PAICS: variants seen among roughly 807,000 people sequenced by gnomAD.
PAICS encodes bifunctional phosphoribosylaminoimidazole carboxylase/phosphoribosylaminoimidazole succinocarboxamide synthetase.
In PAICS, 33 loss-of-function variants were observed where a neutral mutation model predicts 53.7. The observed-to-expected ratio is 0.61, with a 90% CI of 0.47 to 0.82. PAICS has a LOEUF of 0.82. PAICS is among the 40% of genes least tolerant of loss of function. The pLI, the probability that PAICS is intolerant of heterozygous loss-of-function variation, is 0.00. For missense variants in PAICS, 394 were observed against 494.1 expected (o/e 0.80, Z 1.92); for synonymous variants, 141 against 167.2 (o/e 0.84, Z 1.21).
intron 5 of PAICS, among the ~76,000 whole-genome samples, chr4:56,449,094 G>A (rs569502669): frequency 6.6e-6 from 1 of 152,140 alleles, no homozygotes; most frequent in South Asian, 2.1e-4. Flanking sequence ...TTGGCTAAAT[G>A]AAAACTAAGG....
intron 7 of PAICS, 87 bp downstream of exon 7, chr4:56,452,139 G>T (rs1239877246): frequency 1.2e-6 from 1 of 865,636 alleles, no homozygotes; most frequent in African/African-American, 1.7e-5. Context: ...GCTGAAAAAA[G>T]AGCTTTGTCA....
chr4:56,435,708 C>T, upstream of PAICS: 2 of 1,466,530 alleles, frequency 1.4e-6, no homozygotes, highest in Non-Finnish European at 1.8e-6. Context: ...GAGGGGCGGT[C>T]CCGCGGCTGA....
Position 56,460,390 on chromosome 4 carries a change from C to G in PAICS, c.*852C>G, listed in dbSNP as rs1243624700. ...CACCAAGTCATGTTGGTGTTAATTTCTGATTAACCCTTGAATTTACCGTCT... is the reference window on the plus strand; with the variant it reads ...CACCAAGTCATGTTGGTGTTAATTTGTGATTAACCCTTGAATTTACCGTCT... On this transcript the variant is annotated 3_prime_UTR_variant, in exon 9 of 9. Transcript: ENST00000512576. The G allele has an allele frequency of 6.6e-6, 1 of 152,182 alleles. No homozygotes were observed. The highest frequency in any genetic ancestry group is 1.5e-5 in the Non-Finnish European group (1 of 68,042). The allele number at this position is 152,182 out of a possible 1,614,324, so 9.4% of individuals were successfully genotyped here. A position where few individuals can be genotyped will look rare whatever the true frequency, so the allele number is the denominator to read the frequency against.
At chr4:56,411,667 A>C in the PAICS span, among the ~76,000 whole-genome samples, 1 of 152,338 alleles carries the variant, frequency 6.6e-6, no homozygotes, top group South Asian at 2.1e-4. Context: ...AATTATTCAA[A>C]AATCTGTAAT....
At chr4:56,431,024 G>A (rs1717555591), upstream of PAICS, among the ~76,000 whole-genome samples, 1 of 151,886 alleles carries the variant, frequency 6.6e-6, no homozygotes, top group African/African-American at 2.4e-5. Flanking sequence ...TGGAAGGATT[G>A]AAAACACTTA....
the PAICS span, among the ~76,000 whole-genome samples, chr4:56,412,478 T>A: frequency 6.6e-6 from 1 of 152,088 alleles, no homozygotes; most frequent in Non-Finnish European, 1.5e-5. Context: ...CCTGGCTAAT[T>A]TTTTGTGGGA....
intron 8 of PAICS, among the ~76,000 whole-genome samples, chr4:56,458,725 C>A (rs1338100761): frequency 6.6e-6 from 1 of 151,820 alleles, no homozygotes; most frequent in Non-Finnish European, 1.5e-5. Flanking sequence ...ATAGCAAACA[C>A]TAGACATAAT....
intron 2 of PAICS, 41 bp downstream of exon 2, chr4:56,441,901 G>A (rs767978002): frequency 1.5e-6 from 2 of 1,347,722 alleles, no homozygotes; most frequent in African/African-American, 1.5e-5. Flanking sequence ...ACCTTCTCTG[G>A]TAAGCATGTC....
the PAICS span, chr4:56,416,541 C>G: frequency 1.3e-5 from 2 of 155,878 alleles, no homozygotes. Flanking sequence ...AAGAAACACT[C>G]AGAATTGATT....
At chr4:56,436,478 C>A in intron 1 of PAICS, 150 bp downstream of exon 1, 1 of 733,410 alleles carries the variant, frequency 1.4e-6, no homozygotes, top group South Asian at 1.5e-5. Flanking sequence ...CAGGCGCTCC[C>A]GGGCCTCCCC....
upstream of PAICS, among the ~76,000 whole-genome samples, chr4:56,433,012 T>A (rs993019824): frequency 6.0e-5 from 9 of 150,786 alleles, no homozygotes; most frequent in African/African-American, 1.9e-4. Flanking sequence ...TATATATATA[T>A]AAAACTAAAC....
In PAICS at chr4:56,446,666, C is replaced by G. The variant is rs962897538; in HGVS notation, c.215-29C>G. 6.3e-6 allele frequency: 9 copies of G among 1,439,354 alleles called. No individual in the cohort carries two copies. The African/African-American group carries it at 8.5e-5, about 14-fold the overall frequency. The allele number at this position is 1,439,354 out of a possible 1,614,324, so 89.2% of individuals were successfully genotyped here. A position where few individuals can be genotyped will look rare whatever the true frequency, so the allele number is the denominator to read the frequency against. ...ACCTTTTTACATATCATTTCAATAC[C>G]TTTTTTAACTTTGGTTATCAATATG... On this transcript the variant is annotated intron_variant, in intron 2 of 8. Transcript: ENST00000512576.
chr4:56,429,512 T>C, the PAICS span, among the ~76,000 whole-genome samples: 68 of 152,140 alleles, frequency 4.5e-4, no homozygotes, highest in Non-Finnish European at 8.1e-4. Flanking sequence ...CAATATAGCA[T>C]GTAGAAGAAA....
upstream of PAICS, among the ~76,000 whole-genome samples, chr4:56,432,997 T>TTATATATA (rs370961590): frequency 1.2e-3 from 184 of 148,504 alleles, no homozygotes; most frequent in African/African-American, 4.2e-3. Context: ...CACACGTATT[T>TTATATATA]TATATATATA....
chr4:56,450,783 A>AG, intron 6 of PAICS, 81 bp downstream of exon 6: 1 of 736,884 alleles, frequency 1.4e-6, no homozygotes, highest in East Asian at 2.7e-5. Flanking sequence ...AAAAAATGGG[A>AG]GAGTATAGTG....
chr4:56,448,921 G>T (rs985512623), intron 5 of PAICS, 98 bp downstream of exon 5: 3 of 668,406 alleles, frequency 4.5e-6, no homozygotes, highest in African/African-American at 1.8e-5. Context: ...TGTTCCTAAT[G>T]ATATGAACCT....
chr4:56,438,371 TTATATATATA>T (rs61681463), intron 1 of PAICS, among the ~76,000 whole-genome samples: 2,843 of 113,648 alleles, frequency 0.025, 76 homozygotes, highest in African/African-American at 0.058. Context: ...TGCAATGTGT[TTATATATATA>T]TATATATATA....
chr4:56,445,792 A>G (rs889561128), intron 2 of PAICS, among the ~76,000 whole-genome samples: 5 of 152,220 alleles, frequency 3.3e-5, no homozygotes, highest in African/African-American at 1.2e-4. Context: ...ATAGTAATGC[A>G]GGCTGAAAAT....
At chr4:56,455,606 C>T (rs1015055960) in intron 8 of PAICS, among the ~76,000 whole-genome samples, 9 of 152,142 alleles carry the variant, frequency 5.9e-5, no homozygotes, top group African/African-American at 1.9e-4. Context: ...ATTTTGATAC[C>T]TTGTGTATCT....
Sources: gnomAD v4.1 joint callset for allele counts (sites outside exome capture counted in the v4.1 genomes callset) on GRCh38, gnomAD v4.1.1 for gene constraint, MANE v1.5 for transcripts, NCBI Gene and HGNC (gene_info 2026-07-23, HGNC 2026-07-21) for gene names.